The following MCCC1 variants were observed in gnomAD, a reference collection of about 807,000 sequenced individuals.
MCCC1 encodes the protein methylcrotonoyl-CoA carboxylase subunit alpha, mitochondrial.
Under a neutral mutation model 83.8 loss-of-function variants are expected in MCCC1, and 64 were observed. The ratio of observed to expected loss-of-function variants is 0.76; its 90% CI spans 0.62 to 0.94. MCCC1 has a LOEUF of 0.94. MCCC1 is among the 40% of genes least tolerant of loss of function. The pLI, the probability that MCCC1 is intolerant of heterozygous loss-of-function variation, is 0.00. For missense variants in MCCC1, 807 were observed against 904.7 expected, an observed-to-expected ratio of 0.89 and a Z score of 1.39; for synonymous variants, 322 against 315.4, an observed-to-expected ratio of 1.02 and a Z score of -0.22.
At chr3:183,052,295 T>C (rs1715039323) in intron 8 of MCCC1, 55 bp from the exon 9 acceptor site, 1 of 1,498,762 alleles carries the variant, frequency 6.7e-7, no homozygotes, top group African/African-American at 1.4e-5. Flanking sequence ...TACTAGAAAT[T>C]CCATTAAAAT....
rs758272510 is a variant in MCCC1, at chr3:183,099,483, C to T, written c.-43G>A. 1.9e-6 allele frequency: 3 copies of T among 1,568,166 alleles called. No homozygotes were observed. Among genetic ancestry groups the T allele is most frequent in the South Asian group, 1.2e-5 (1 of 86,034 alleles). ...ACTCCGTGACTCCCCAGTACAGAGG[C>T]AGCTGCGTCCCACACGCCAAACCCG... is the stretch of plus-strand genomic sequence containing the variant. On this transcript the variant is annotated 5_prime_UTR_variant, in exon 1 of 19. Coordinates refer to ENST00000265594, the MANE Select transcript of MCCC1 (RefSeq NM_020166.5).
chr3:183,043,203 T>C (rs1317818483), intron 10 of MCCC1, among the ~76,000 whole-genome samples: 1 of 152,178 alleles, frequency 6.6e-6, no homozygotes, highest in Non-Finnish European at 1.5e-5. Flanking sequence ...GGCAGGAGAA[T>C]TGCTTGAAGC....
rs148836553 is a variant in MCCC1 at position 183,020,965 on chromosome 3, C to T, written c.1870-728G>A. ...GTCCCAGCTACTCGGGAGGCTGAGG[C>T]AGGAGAATGGAGTGAACCCGGGAGG... On this transcript the variant is annotated intron_variant, in intron 16 of 18. Coordinates refer to ENST00000265594, the MANE Select transcript of MCCC1 (RefSeq NM_020166.5). Among the ~76,000 whole-genome samples the T allele has an allele frequency of 4.0e-3, 610 of 152,216 alleles. 1 individual carries two copies. Among genetic ancestry groups the T allele is most frequent in the African/African-American group, 0.014 (583 of 41,554 alleles).
chr3:183,107,858 C>T (rs1188064068), intron 1 of MCCC1, among the ~76,000 whole-genome samples: 3 of 152,026 alleles, frequency 2.0e-5, no homozygotes, highest in African/African-American at 7.2e-5. Flanking sequence ...CCTGATTCCT[C>T]CGTTTTTAAA....
At chr3:183,078,325 G>A (rs1717232858) in intron 4 of MCCC1, among the ~76,000 whole-genome samples, 1 of 152,158 alleles carries the variant, frequency 6.6e-6, no homozygotes, top group African/African-American at 2.4e-5. Context: ...CTGGCATAAT[G>A]AGTTTTGAAA....
In MCCC1 at chr3:183,015,536, CT is replaced by C. The variant is rs119103217; in HGVS notation, c.2079del (p.Val694Ter). 3.1e-6 allele frequency: 5 copies of C among 1,614,094 alleles called. No individual in the cohort carries two copies. Among genetic ancestry groups the C allele is most frequent in the Non-Finnish European group, 3.4e-6 (4 of 1,179,982 alleles). The part of the protein sequence containing the change: ...EHTIKSPKDG[T>X]VKKVFYREGA... ...CCTTCTCTGTAGAACACTTTCTTTA[CT>C]GTGCCATCCTTTGGAGACTTTATGG... On this transcript the variant is annotated frameshift_variant, in exon 19 of 19. Transcript: ENST00000265594. LOFTEE classifies it low-confidence loss of function (END_TRUNC).
intron 4 of MCCC1, among the ~76,000 whole-genome samples, chr3:183,078,546 T>C (rs1363219947): frequency 1.3e-5 from 2 of 152,238 alleles, no homozygotes; most frequent in East Asian, 3.8e-4. Flanking sequence ...AGAACTTCTT[T>C]AGTATCTCTC....
At chr3:183,056,931 G>T (rs1355930891) in intron 8 of MCCC1, among the ~76,000 whole-genome samples, 2 of 152,192 alleles carry the variant, frequency 1.3e-5, no homozygotes, top group Non-Finnish European at 2.9e-5. Context: ...CCAACCTCAG[G>T]TGATCCACCC....
At chr3:183,071,595 A>T (rs899663061) in intron 5 of MCCC1, among the ~76,000 whole-genome samples, 6 of 152,218 alleles carry the variant, frequency 3.9e-5, no homozygotes, top group African/African-American at 1.4e-4. Context: ...GATTAGAAAC[A>T]TTAAGTATTT....
intron 13 of MCCC1, among the ~76,000 whole-genome samples, chr3:183,036,659 C>T (rs1487369818): frequency 6.6e-6 from 1 of 151,658 alleles, no homozygotes; most frequent in Non-Finnish European, 1.5e-5. Context: ...CTTGTCTCAG[C>T]CTCCCGAGTA....
chr3:183,016,031 C>T (rs1256993696), intron 18 of MCCC1, among the ~76,000 whole-genome samples: 1 of 151,226 alleles, frequency 6.6e-6, no homozygotes, highest in South Asian at 2.1e-4. Context: ...CGGGTTCAAG[C>T]GGTTCTCCCA....
intron 1 of MCCC1, among the ~76,000 whole-genome samples, chr3:183,096,981 C>A (rs1718781823): frequency 6.6e-6 from 1 of 152,136 alleles, no homozygotes; most frequent in Middle Eastern, 3.2e-3. Context: ...TGACCTAAAG[C>A]TTTCTTTTGC....
At chr3:183,028,842 C>A (rs1015481393) in intron 14 of MCCC1, among the ~76,000 whole-genome samples, 1 of 152,176 alleles carries the variant, frequency 6.6e-6, no homozygotes, top group African/African-American at 2.4e-5. Context: ...GCTACAGTCA[C>A]CCCAATCTTC....
At chr3:183,036,765 T>G (rs933224820) in intron 13 of MCCC1, among the ~76,000 whole-genome samples, 5 of 152,082 alleles carry the variant, frequency 3.3e-5, no homozygotes, top group Non-Finnish European at 5.9e-5. Context: ...GGTCTTGATC[T>G]CCTGACATCA....
intron 18 of MCCC1, among the ~76,000 whole-genome samples, chr3:183,015,990 A>G (rs2108430101): frequency 6.6e-6 from 1 of 150,944 alleles, no homozygotes; most frequent in South Asian, 2.1e-4. Flanking sequence ...GTGCAACGGC[A>G]TGGTCTCAGC....
intron 9 of MCCC1, among the ~76,000 whole-genome samples, chr3:183,051,944 T>A (rs534341579): frequency 6.6e-6 from 1 of 152,220 alleles, no homozygotes; most frequent in Admixed American, 6.5e-5. Flanking sequence ...TTAAGACAAG[T>A]ACTGTTTAAT....
At chr3:183,046,775 A>C (rs1261616434) in intron 9 of MCCC1, among the ~76,000 whole-genome samples, 1 of 152,178 alleles carries the variant, frequency 6.6e-6, no homozygotes, top group Admixed American at 6.5e-5. Flanking sequence ...ATCAAGTAAA[A>C]AGCTGAACAA....
chr3:183,070,160 T>G (rs1716555057), intron 7 of MCCC1, among the ~76,000 whole-genome samples: 1 of 152,234 alleles, frequency 6.6e-6, no homozygotes, highest in South Asian at 2.1e-4. Flanking sequence ...GCAATGTAAG[T>G]GTTAGCTCCT....
chr3:183,077,372 T>C (rs1717156261), intron 4 of MCCC1, among the ~76,000 whole-genome samples: 1 of 152,216 alleles, frequency 6.6e-6, no homozygotes, highest in Admixed American at 6.5e-5. Context: ...ATAGAAGGGT[T>C]CCAATTTCTC....
Sources: gnomAD v4.1 joint callset for allele counts (sites outside exome capture counted in the v4.1 genomes callset) on GRCh38, gnomAD v4.1.1 for gene constraint, MANE v1.5 for transcripts, NCBI Gene and HGNC (gene_info 2026-07-23, HGNC 2026-07-21) for gene names.